DRC8: variants seen among roughly 807,000 people sequenced by gnomAD.
The protein encoded by DRC8 is dynein regulatory complex subunit 8.
At chr1:244,971,942 T>G in the DRC8 span, among the ~76,000 whole-genome samples, 5 of 142,668 alleles carry the variant, frequency 3.5e-5, no homozygotes, top group African/African-American at 1.3e-4. Context: ...ATGGATGGCT[T>G]ATTTTTGTTC....
chr1:245,031,545 T>C, the DRC8 span, among the ~76,000 whole-genome samples: 3 of 152,254 alleles, frequency 2.0e-5, no homozygotes, highest in African/African-American at 7.2e-5. Context: ...GCTGGGTCCC[T>C]GAATGAGTTG....
the DRC8 span, among the ~76,000 whole-genome samples, chr1:245,070,307 T>C: frequency 1.8e-4 from 27 of 152,214 alleles, no homozygotes; most frequent in African/African-American, 6.0e-4. Flanking sequence ...AATAGAAACA[T>C]AATATTCCAT....
chr1:244,982,631 G>A, the DRC8 span, among the ~76,000 whole-genome samples: 2 of 152,176 alleles, frequency 1.3e-5, no homozygotes, highest in Non-Finnish European at 2.9e-5. Context: ...GAATCATTGA[G>A]CTTGAAGGTA....
At chr1:245,053,370 G>C in the DRC8 span, among the ~76,000 whole-genome samples, 2 of 152,192 alleles carry the variant, frequency 1.3e-5, no homozygotes, top group Admixed American at 1.3e-4. Context: ...CTCATGAGCT[G>C]TCTAGGCCTG....
chr1:244,974,210 T>G, the DRC8 span, among the ~76,000 whole-genome samples: 1 of 152,234 alleles, frequency 6.6e-6, no homozygotes, highest in African/African-American at 2.4e-5. Context: ...TGTTGATTCT[T>G]TGGCTCCTTA....
the DRC8 span, among the ~76,000 whole-genome samples, chr1:245,010,967 C>A: frequency 1.8e-4 from 28 of 152,212 alleles, no homozygotes; most frequent in Middle Eastern, 0.014. Context: ...AGGTGTGAGC[C>A]ACCGCGCCCA....
the DRC8 span, among the ~76,000 whole-genome samples, chr1:245,086,555 TA>T: frequency 6.6e-6 from 1 of 152,210 alleles, no homozygotes; most frequent in African/African-American, 2.4e-5. Context: ...TCCTACAAGA[TA>T]GAAGTCCCTA....
At chr1:245,103,704 G>A in the DRC8 span, among the ~76,000 whole-genome samples, 1 of 152,130 alleles carries the variant, frequency 6.6e-6, no homozygotes, top group Non-Finnish European at 1.5e-5. Context: ...AGGATCAGAG[G>A]TGGTCCTCTG....
the DRC8 span, among the ~76,000 whole-genome samples, chr1:245,041,356 A>G: frequency 3.3e-5 from 5 of 152,182 alleles, no homozygotes; most frequent in Admixed American, 6.5e-5. Flanking sequence ...GAAGAAGTTG[A>G]CCAGAAAGCC....
the DRC8 span, among the ~76,000 whole-genome samples, chr1:245,017,711 A>T: frequency 2.0e-5 from 3 of 152,190 alleles, no homozygotes; most frequent in African/African-American, 7.2e-5. Context: ...CAAATAGGAT[A>T]TTGCAAGGAA....
the DRC8 span, among the ~76,000 whole-genome samples, chr1:245,050,403 A>G: frequency 6.6e-6 from 1 of 152,158 alleles, no homozygotes; most frequent in South Asian, 2.1e-4. Context: ...CCCAGCCCTC[A>G]TCCCCGTTTT....
At chr1:245,089,815 G>T in the DRC8 span, among the ~76,000 whole-genome samples, 2 of 152,180 alleles carry the variant, frequency 1.3e-5, no homozygotes, top group African/African-American at 4.8e-5. This position sits in a 1 kb window ranked among gnomAD's most constrained non-coding sequence, Gnocchi z 4.8. Flanking sequence ...AGGGCTGAGA[G>T]CCCACAGAGA....
chr1:244,970,042 GGGT>G, the DRC8 span: 6 of 620,034 alleles, frequency 9.7e-6, no homozygotes, highest in South Asian at 1.1e-4. Context: ...AGGGGGCGAG[GGGT>G]GTGTGCGCGC....
chr1:245,017,511 T>G, the DRC8 span, among the ~76,000 whole-genome samples: 1 of 152,140 alleles, frequency 6.6e-6, no homozygotes, highest in Non-Finnish European at 1.5e-5. Flanking sequence ...TTTCTTATTC[T>G]TCATACTCTG....
the DRC8 span, among the ~76,000 whole-genome samples, chr1:245,100,539 G>A: frequency 6.6e-6 from 1 of 152,068 alleles, no homozygotes; most frequent in African/African-American, 2.4e-5. Context: ...TCAGCACTTT[G>A]AGAGGCTGAG....
the DRC8 span, among the ~76,000 whole-genome samples, chr1:244,986,118 G>T: frequency 6.6e-6 from 1 of 151,616 alleles, no homozygotes; most frequent in East Asian, 2.0e-4. Flanking sequence ...ACCATGCCTG[G>T]CTAATTTTAT....
At chr1:245,017,310 A>G in the DRC8 span, 1 of 1,603,240 alleles carries the variant, frequency 6.2e-7, no homozygotes, top group Non-Finnish European at 8.5e-7. Context: ...TGAGTCGAAT[A>G]ATACAGTGGA....
At chr1:245,002,231 G>A in the DRC8 span, 1 of 1,604,412 alleles carries the variant, frequency 6.2e-7, no homozygotes, top group Non-Finnish European at 8.5e-7. Context: ...GGGGAACACA[G>A]GGTACAGTGC....
chr1:245,114,069 C>CTTT, the DRC8 span, among the ~76,000 whole-genome samples: 1 of 152,182 alleles, frequency 6.6e-6, no homozygotes, highest in South Asian at 2.1e-4. Context: ...TAAAAGCATC[C>CTTT]AAAAGCAGGA....
Sources: allele counts gnomAD v4.1 joint callset (sites outside exome capture counted in the v4.1 genomes callset), GRCh38; gene constraint gnomAD v4.1.1; non-coding constraint Gnocchi (gnomAD v3.1); transcripts MANE v1.5; gene names NCBI Gene and HGNC (gene_info 2026-07-23, HGNC 2026-07-21).